TAFA2: variants seen among roughly 807,000 people sequenced by gnomAD.
TAFA2 encodes the protein chemokine-like protein TAFA-2.
In TAFA2, 7 loss-of-function variants were observed where a neutral mutation model predicts 18.8. The ratio of observed to expected loss-of-function variants is 0.37; its 90% confidence interval spans 0.21 to 0.70. The LOEUF is 0.70. TAFA2 is among the 30% of genes least tolerant of loss of function. TAFA2 has a pLI of 0.53. For missense variants in TAFA2, 122 were observed against 158.1 expected (o/e 0.77, Z 1.23); for synonymous variants, 60 against 54.2 (o/e 1.11, Z -0.47).
At chr12:61,759,469 G>T (rs1168544241) in intron 2 of TAFA2, among the ~76,000 whole-genome samples, 2 of 152,018 alleles carry the variant, frequency 1.3e-5, no homozygotes, top group Admixed American at 6.6e-5. Flanking sequence ...GAATTATGTT[G>T]TTGATAGCGG....
rs2062783415 is a variant in TAFA2, at chr12:62,225,748, AATATGTATAAAGAT to A, written c.-130+33001_-130+33014del. Among the ~76,000 whole-genome samples, 4 of 152,346 alleles carry A rather than the reference AATATGTATAAAGAT, an allele frequency of 2.6e-5. 1 individual carries two copies. The South Asian group carries it at 8.3e-4, about 32-fold the overall frequency. On this transcript the variant is annotated intron_variant, in intron 1 of 5. Transcript: ENST00000551619. ...ACACAAACTTTCTCACAAGAAAAGA[AATATGTATAAAGAT>A]ACCCCAAAATATGAATTTTTACATG...
chr12:61,753,568 C>T (rs1230200737), intron 4 of TAFA2, 54 bp downstream of exon 4: 54 of 1,547,954 alleles, frequency 3.5e-5, no homozygotes, highest in Non-Finnish European at 4.5e-5. Context: ...GCACAAGCTC[C>T]GTTCTCTATT....
At chr12:61,936,123 A>G (rs1877755764) in intron 1 of TAFA2, among the ~76,000 whole-genome samples, 1 of 152,196 alleles carries the variant, frequency 6.6e-6, no homozygotes, top group South Asian at 2.1e-4. Flanking sequence ...TAAAAAAGAT[A>G]ATATACTATG....
intron 1 of TAFA2, among the ~76,000 whole-genome samples, chr12:61,871,565 A>C (rs1040358923): frequency 6.6e-6 from 1 of 152,228 alleles, no homozygotes; most frequent in Non-Finnish European, 1.5e-5. Flanking sequence ...AAACCTTGAA[A>C]TCGCTCCCAG....
rs56908081 is a variant in TAFA2 at position 61,927,069 on chromosome 12, GAAAAAAAA to G, written c.-1-59651_-1-59644del. Among the ~76,000 whole-genome samples, 508 of 69,938 alleles carry G rather than the reference GAAAAAAAA, an allele frequency of 7.3e-3. 2 individuals are homozygous for G. The highest frequency in any genetic ancestry group is 0.01 in the Non-Finnish European group (392 of 38,730). 45.9% of individuals were successfully genotyped at this position (69,938 alleles called of 152,430 possible). A position where few individuals can be genotyped will look rare whatever the true frequency, so the allele number is the denominator to read the frequency against. On this transcript the variant is annotated intron_variant, in intron 1 of 4. Coordinates refer to ENST00000416284, the MANE Select transcript of TAFA2 (RefSeq NM_178539.5). The stretch of plus-strand genomic sequence containing the variant: ...CAACCTGGTGACAGAGTGAGACTCT[GAAAAAAAA>G]AAAAAAAAAAAAAAAAATACAGGCA...
intron 1 of TAFA2, among the ~76,000 whole-genome samples, chr12:62,246,201 T>C (rs2062885425): frequency 6.6e-6 from 1 of 152,184 alleles, no homozygotes; most frequent in Non-Finnish European, 1.5e-5. Context: ...TTAGCCAGGA[T>C]GGTCTCAATC....
intron 2 of TAFA2, among the ~76,000 whole-genome samples, chr12:61,766,960 G>T (rs1869817218): frequency 6.6e-6 from 1 of 152,074 alleles, no homozygotes; most frequent in Admixed American, 6.6e-5. Context: ...TCTAGAACTT[G>T]CACTGACACA....
At chr12:62,087,178 G>C (rs1237847393) in intron 1 of TAFA2, among the ~76,000 whole-genome samples, 2 of 152,026 alleles carry the variant, frequency 1.3e-5, no homozygotes, top group African/African-American at 4.8e-5. Context: ...TGGGTGTAGA[G>C]TTATGGGACT....
chr12:61,973,482 T>C (rs1017067673), intron 1 of TAFA2, among the ~76,000 whole-genome samples: 17 of 151,282 alleles, frequency 1.1e-4, no homozygotes, highest in Admixed American at 1.1e-3. Context: ...ATTTACTTAA[T>C]TATAGATTAA....
intron 1 of TAFA2, among the ~76,000 whole-genome samples, chr12:62,254,703 A>C (rs1393323002): frequency 6.6e-6 from 1 of 152,196 alleles, no homozygotes; most frequent in Non-Finnish European, 1.5e-5. Flanking sequence ...ATTTGACCTA[A>C]ATCTACTGTG....
At chr12:61,794,899 C>G (rs1362435186) in intron 2 of TAFA2, among the ~76,000 whole-genome samples, 1 of 151,954 alleles carries the variant, frequency 6.6e-6, no homozygotes, top group Non-Finnish European at 1.5e-5. Context: ...AACAAACAAC[C>G]CCAATAAAAA....
At chr12:62,168,099 GTGTGT>G (rs2062452388) in intron 1 of TAFA2, among the ~76,000 whole-genome samples, 1 of 152,144 alleles carries the variant, frequency 6.6e-6, no homozygotes, top group African/African-American at 2.4e-5. Flanking sequence ...GTGTCTGAGT[GTGTGT>G]CTAGCCTGCC....
intron 1 of TAFA2, among the ~76,000 whole-genome samples, chr12:61,952,028 G>GA (rs1471124292): frequency 2.6e-5 from 4 of 152,150 alleles, no homozygotes; most frequent in African/African-American, 9.7e-5. Flanking sequence ...TGATGGCTAA[G>GA]TGGTGAGGAA....
At chr12:62,022,122 G>T in intron 1 of TAFA2, 1 of 482,390 alleles carries the variant, frequency 2.1e-6, no homozygotes, top group South Asian at 1.9e-5. Flanking sequence ...TTCTCACCAA[G>T]AACATTCTGT....
intron 1 of TAFA2, among the ~76,000 whole-genome samples, chr12:62,235,997 A>G (rs2136986839): frequency 6.6e-6 from 1 of 152,100 alleles, no homozygotes; most frequent in Non-Finnish European, 1.5e-5. Flanking sequence ...TTAAAAAAAA[A>G]ACAAATGAAG....
intron 2 of TAFA2, among the ~76,000 whole-genome samples, chr12:61,849,429 T>A (rs1307026008): frequency 6.6e-6 from 1 of 152,232 alleles, no homozygotes; most frequent in Non-Finnish European, 1.5e-5. Flanking sequence ...CCATGAGTGA[T>A]CATCTAAGCA....
At chr12:62,180,844 G>T (rs532739198) in intron 1 of TAFA2, among the ~76,000 whole-genome samples, 2 of 152,180 alleles carry the variant, frequency 1.3e-5, no homozygotes, top group South Asian at 2.1e-4. Flanking sequence ...TACAAAAATG[G>T]TAATTATGTA....
chr12:62,171,200 T>A (rs79653004), intron 1 of TAFA2, among the ~76,000 whole-genome samples: 1 of 152,082 alleles, frequency 6.6e-6, no homozygotes, highest in Non-Finnish European at 1.5e-5. Flanking sequence ...TCTCAATTAA[T>A]AAGTAACTCA....
intron 2 of TAFA2, among the ~76,000 whole-genome samples, chr12:61,783,652 T>C (rs1205096416): frequency 6.6e-6 from 1 of 151,630 alleles, no homozygotes; most frequent in Non-Finnish European, 1.5e-5. Context: ...CAGAAAAGGA[T>C]AGTGAGCAAG....
Sources: allele counts gnomAD v4.1 joint callset (sites outside exome capture counted in the v4.1 genomes callset), GRCh38; gene constraint gnomAD v4.1.1; transcripts MANE v1.5; gene names NCBI Gene and HGNC (gene_info 2026-07-23, HGNC 2026-07-21).